The following NRXN3 variants were observed in gnomAD, a reference collection of about 807,000 sequenced individuals.
The protein encoded by NRXN3 is neurexin 3, also known as neurexin III.
NRXN3 carries 32 observed loss-of-function variants against 137.6 expected under a neutral mutation model. The observed-to-expected ratio is 0.23, with a 90% CI of 0.18 to 0.31. The LOEUF is 0.31. NRXN3 is among the 10% of genes least tolerant of loss of function. The pLI is 1.00. For synonymous variants in NRXN3, 798 were observed against 784.5 expected (o/e 1.02, Z -0.29); for missense variants, 1,574 against 2,062.5 (o/e 0.76, Z 4.59).
chr14:79,591,999 T>C (rs1163366066), intron 16 of NRXN3, among the ~76,000 whole-genome samples: 1 of 152,170 alleles, frequency 6.6e-6, no homozygotes, highest in Non-Finnish European at 1.5e-5. Flanking sequence ...ATGCATACCA[T>C]TGTGGACTCC....
At chr14:78,929,377 G>A (rs148063706) in intron 10 of NRXN3, among the ~76,000 whole-genome samples, 1 of 151,918 alleles carries the variant, frequency 6.6e-6, no homozygotes, top group Non-Finnish European at 1.5e-5. Context: ...CCTCCAAAAG[G>A]CCCCAGTGTG....
chr14:79,450,496 A>G lies in NRXN3; in HGVS notation c.3263-16725A>G, dbSNP rs2096149260. 2.6e-5 allele frequency among the ~76,000 whole-genome samples: 4 copies of G among 152,310 alleles called. No individual in the cohort carries two copies. In the South Asian group the frequency reaches 8.3e-4, roughly 32 times the overall value. ...TGTGTTAATTAGCTTGATTTACATC[A>G]TTCCACATAGTTTACATATATCATA... is the stretch of plus-strand genomic sequence containing the variant. On this transcript the variant is annotated intron_variant, in intron 15 of 20. Transcript: ENST00000335750.
intron 15 of NRXN3, among the ~76,000 whole-genome samples, chr14:79,315,979 A>G (rs898810670): frequency 6.6e-6 from 1 of 152,132 alleles, no homozygotes; most frequent in Non-Finnish European, 1.5e-5. Context: ...TGTAAATAGC[A>G]CTCCGAAATC....
intron 15 of NRXN3, among the ~76,000 whole-genome samples, chr14:79,266,101 T>C (rs915947557): frequency 2.6e-4 from 39 of 152,250 alleles, no homozygotes; most frequent in African/African-American, 9.4e-4. Context: ...CCTGGGAATC[T>C]ATAGGAGAGA....
At chr14:78,819,248 T>C (rs1351257894) in intron 10 of NRXN3, among the ~76,000 whole-genome samples, 1 of 152,186 alleles carries the variant, frequency 6.6e-6, no homozygotes, top group African/African-American at 2.4e-5. Flanking sequence ...TAGTCAGATA[T>C]ACAAGGTGAC....
At position 78,362,844 on chromosome 14, in the gene NRXN3, A is replaced by T. The variant is rs2085337844; in HGVS notation, c.757+64984A>T. On this transcript the variant is annotated intron_variant, in intron 4 of 20. Coordinates refer to ENST00000335750, the MANE Select transcript of NRXN3 (RefSeq NM_001330195.2). ...ACATGAAGGATTGTGGTAGTGGGGG[A>T]TACTGTTGAGGGACACGTTTTGGTT... 1.3e-5 allele frequency among the ~76,000 whole-genome samples: 2 copies of T among 152,092 alleles called. 1 individual carries two copies. The highest frequency in any genetic ancestry group is 4.1e-4 in the South Asian group (2 of 4,826).
At chr14:79,076,256 A>T (rs1486856541) in intron 15 of NRXN3, among the ~76,000 whole-genome samples, 6 of 152,150 alleles carry the variant, frequency 3.9e-5, no homozygotes, top group African/African-American at 1.4e-4. Context: ...GTGTTATATT[A>T]GTTCTCTATT....
intron 4 of NRXN3, among the ~76,000 whole-genome samples, chr14:78,511,920 A>G (rs1330060304): frequency 4.6e-5 from 7 of 152,208 alleles, no homozygotes; most frequent in African/African-American, 1.7e-4. Context: ...GTTAAGTCCA[A>G]GCTCTACCAC....
At chr14:78,930,830 TC>T (rs1445409557) in intron 10 of NRXN3, among the ~76,000 whole-genome samples, 1 of 152,192 alleles carries the variant, frequency 6.6e-6, no homozygotes, top group Non-Finnish European at 1.5e-5. Context: ...GGTATATCTA[TC>T]CCTGAGAGCA....
At chr14:79,804,612 A>G (rs970172491) in intron 19 of NRXN3, among the ~76,000 whole-genome samples, 1 of 152,198 alleles carries the variant, frequency 6.6e-6, no homozygotes, top group African/African-American at 2.4e-5. Flanking sequence ...CCTAAAGAGA[A>G]TGCATTCCAC....
intron 4 of NRXN3, among the ~76,000 whole-genome samples, chr14:78,540,036 C>CA (rs1296953113): frequency 6.6e-6 from 1 of 152,078 alleles, no homozygotes; most frequent in Non-Finnish European, 1.5e-5. Context: ...ATTATGTGGT[C>CA]AATTTTGGAA....
chr14:79,734,247 A>G (rs2098934231), intron 19 of NRXN3, among the ~76,000 whole-genome samples: 1 of 152,194 alleles, frequency 6.6e-6, no homozygotes, highest in Admixed American at 6.5e-5. Flanking sequence ...GGAGGATCCA[A>G]TTCTGTGTAA....
In NRXN3 at chr14:79,656,164, G is replaced by T. The variant is rs190523756; in HGVS notation, c.3445-7614G>T. ...TGTTAGTGTGAGCACAGGGCTTAAG[G>T]TTTCTTTATGAAGACCGCTGGGTGG... On this transcript the variant is annotated intron_variant, in intron 16 of 20. Coordinates refer to ENST00000335750, the MANE Select transcript of NRXN3 (RefSeq NM_001330195.2). Among the ~76,000 whole-genome samples, 20 of 152,304 alleles carry T rather than the reference G, an allele frequency of 1.3e-4. No individual in the cohort carries two copies. In the East Asian group the frequency reaches 3.9e-3, roughly 29 times the overall value.
intron 4 of NRXN3, among the ~76,000 whole-genome samples, chr14:78,642,091 T>A (rs767458771): frequency 6.6e-6 from 1 of 152,210 alleles, no homozygotes; most frequent in South Asian, 2.1e-4. Flanking sequence ...TGTCAGTCAA[T>A]GCACAGTTCC....
chr14:79,472,151 G>C (rs2096518015), intron 16 of NRXN3, among the ~76,000 whole-genome samples: 1 of 152,164 alleles, frequency 6.6e-6, no homozygotes, highest in South Asian at 2.1e-4. Flanking sequence ...CTCCATCCAT[G>C]TCCCTGCAAA....
At position 78,355,589 on chromosome 14, in the gene NRXN3, T is replaced by G. The variant is rs1307067656; in HGVS notation, c.757+57729T>G. Among the ~76,000 whole-genome samples the G allele has an allele frequency of 2.0e-5, 3 of 152,140 alleles. No individual in the cohort carries two copies. The East Asian group carries it at 5.8e-4, about 29-fold the overall frequency. ...ACGTACCACTATGCCTGGCTAATTTTTGTATTTTTTAGTAGAGACTGGGTT... is the reference window on the plus strand; with the variant it reads ...ACGTACCACTATGCCTGGCTAATTTGTGTATTTTTTAGTAGAGACTGGGTT... On this transcript the variant is annotated intron_variant, in intron 4 of 20. Transcript: ENST00000335750.
intron 16 of NRXN3, among the ~76,000 whole-genome samples, chr14:79,539,560 C>A (rs990961559): frequency 6.6e-6 from 1 of 152,138 alleles, no homozygotes; most frequent in East Asian, 1.9e-4. Context: ...AGATTCATGT[C>A]TAATTCATAC....
intron 4 of NRXN3, among the ~76,000 whole-genome samples, chr14:78,636,384 A>G (rs2097566971): frequency 6.6e-6 from 1 of 152,132 alleles, no homozygotes; most frequent in South Asian, 2.1e-4. Flanking sequence ...CAAGCCTTGT[A>G]GAAAGAAATA....
chr14:79,735,071 T>C (rs2098937347), intron 19 of NRXN3, among the ~76,000 whole-genome samples: 2 of 152,188 alleles, frequency 1.3e-5, no homozygotes, highest in African/African-American at 4.8e-5. Context: ...CTCCCTAGCC[T>C]TTCTTGAACT....
Sources: allele counts gnomAD v4.1 joint callset (sites outside exome capture counted in the v4.1 genomes callset), GRCh38; gene constraint gnomAD v4.1.1; transcripts MANE v1.5; gene names NCBI Gene and HGNC (gene_info 2026-07-23, HGNC 2026-07-21).